Variants in SPMAP2L observed in about 807,000 individuals in gnomAD.
SPMAP2L encodes sperm microtubule associated protein 2-like.
At chr4:56,539,486 A>G in the SPMAP2L span, among the ~76,000 whole-genome samples, 3 of 152,234 alleles carry the variant, frequency 2.0e-5, no homozygotes, top group Middle Eastern at 6.8e-3. Context: ...CAATGGTGCA[A>G]TCTCAGCTCA....
the SPMAP2L span, among the ~76,000 whole-genome samples, chr4:56,565,630 C>T: frequency 6.6e-6 from 1 of 152,136 alleles, no homozygotes; most frequent in African/African-American, 2.4e-5. Flanking sequence ...AACCTTGTTT[C>T]AGGTAGAAAA....
At chr4:56,623,226 C>G in the SPMAP2L span, among the ~76,000 whole-genome samples, 1 of 152,178 alleles carries the variant, frequency 6.6e-6, no homozygotes, top group African/African-American at 2.4e-5. Flanking sequence ...CCTTTCTGCT[C>G]CTAGAACCCA....
the SPMAP2L span, among the ~76,000 whole-genome samples, chr4:56,616,762 T>A: frequency 6.6e-6 from 1 of 151,994 alleles, no homozygotes; most frequent in African/African-American, 2.4e-5. Context: ...GGTGTGGGAG[T>A]CATTCCTTTT....
the SPMAP2L span, chr4:56,584,665 C>T: frequency 8.4e-7 from 1 of 1,190,500 alleles, no homozygotes. Context: ...AACATGCTGC[C>T]TACCCTCTTT....
chr4:56,614,822 C>T, the SPMAP2L span, among the ~76,000 whole-genome samples: 1 of 152,164 alleles, frequency 6.6e-6, no homozygotes, highest in African/African-American at 2.4e-5. Flanking sequence ...AGTTTGCTAA[C>T]ACATAAAAAT....
the SPMAP2L span, among the ~76,000 whole-genome samples, chr4:56,535,481 A>AGTGACGTACCCCCT: frequency 6.6e-6 from 1 of 152,108 alleles, no homozygotes; most frequent in Non-Finnish European, 1.5e-5. Flanking sequence ...TGCAGCCCCC[A>AGTGACGTACCCCCT]GTGACGTACC....
the SPMAP2L span, among the ~76,000 whole-genome samples, chr4:56,579,502 G>GTTCA: frequency 6.6e-6 from 1 of 152,044 alleles, no homozygotes; most frequent in Non-Finnish European, 1.5e-5. Flanking sequence ...GGGCATGGTG[G>GTTCA]TTCACATCTG....
At chr4:56,601,150 G>T in the SPMAP2L span, 7 of 1,498,486 alleles carry the variant, frequency 4.7e-6, no homozygotes, top group African/African-American at 8.3e-5. Flanking sequence ...GAAAGGCTGG[G>T]GTTCTGGGGA....
chr4:56,562,849 A>T, the SPMAP2L span, among the ~76,000 whole-genome samples: 132 of 148,270 alleles, frequency 8.9e-4, 1 homozygote, highest in Admixed American at 2.3e-3. Flanking sequence ...GATAATAAAT[A>T]TAATTTATAT....
At chr4:56,538,853 A>G in the SPMAP2L span, among the ~76,000 whole-genome samples, 1 of 152,142 alleles carries the variant, frequency 6.6e-6, no homozygotes, top group African/African-American at 2.4e-5. Flanking sequence ...TACCTTCTCA[A>G]TTTGTCTTCT....
the SPMAP2L span, among the ~76,000 whole-genome samples, chr4:56,540,486 T>TGAGCCGAGAACGCACCACTGCACTGCAGC: frequency 6.6e-6 from 1 of 152,022 alleles, no homozygotes; most frequent in Non-Finnish European, 1.5e-5. Context: ...GAGGATGCAG[T>TGAGCCGAGAACGCACCACTGCACTGCAGC]GAGCCGAGAT....
At chr4:56,585,847 T>C in the SPMAP2L span, among the ~76,000 whole-genome samples, 3 of 152,172 alleles carry the variant, frequency 2.0e-5, no homozygotes, top group Non-Finnish European at 2.9e-5. Flanking sequence ...CCACTAGCAA[T>C]AGGATCATTA....
chr4:56,621,616 T>C, the SPMAP2L span, among the ~76,000 whole-genome samples: 2 of 152,220 alleles, frequency 1.3e-5, no homozygotes, highest in African/African-American at 2.4e-5. Flanking sequence ...GTGATGCTGA[T>C]TGAACACAAT....
chr4:56,605,367 G>T, the SPMAP2L span, among the ~76,000 whole-genome samples: 2 of 152,134 alleles, frequency 1.3e-5, no homozygotes, highest in Non-Finnish European at 2.9e-5. Context: ...TGGGAGAGAT[G>T]ATTTCATTAG....
the SPMAP2L span, among the ~76,000 whole-genome samples, chr4:56,570,316 T>C: frequency 2.4e-4 from 36 of 152,360 alleles, no homozygotes; most frequent in African/African-American, 8.4e-4. Flanking sequence ...GACAGGGCTA[T>C]GTTCTAAGAA....
the SPMAP2L span, among the ~76,000 whole-genome samples, chr4:56,624,288 G>A: frequency 2.0e-5 from 3 of 152,196 alleles, no homozygotes; most frequent in Non-Finnish European, 2.9e-5. Context: ...CTTGGGTGCT[G>A]TTAAAAGCAT....
the SPMAP2L span, among the ~76,000 whole-genome samples, chr4:56,553,550 G>A: frequency 2.0e-5 from 3 of 150,922 alleles, no homozygotes; most frequent in African/African-American, 7.3e-5. Flanking sequence ...AGCAGTTTTG[G>A]GTTTACAGAA....
chr4:56,545,329 G>A, the SPMAP2L span, among the ~76,000 whole-genome samples: 1 of 152,106 alleles, frequency 6.6e-6, no homozygotes, highest in Non-Finnish European at 1.5e-5. Context: ...ATTGTAGTCT[G>A]TTTATGTAAG....
chr4:56,592,122 T>G, the SPMAP2L span, among the ~76,000 whole-genome samples: 2 of 152,204 alleles, frequency 1.3e-5, no homozygotes, highest in Non-Finnish European at 2.9e-5. Context: ...CATTAGATTC[T>G]CATAGGAGCG....
Sources: gnomAD v4.1 joint callset for allele counts (sites outside exome capture counted in the v4.1 genomes callset) on GRCh38, gnomAD v4.1.1 for gene constraint, MANE v1.5 for transcripts, NCBI Gene and HGNC (gene_info 2026-07-23, HGNC 2026-07-21) for gene names.